Variants in DAPK1 observed in about 807,000 individuals in gnomAD.
DAPK1 encodes death-associated protein kinase 1.
DAPK1 carries 56 observed loss-of-function variants against 144.9 expected under a neutral mutation model. The observed-to-expected ratio is 0.39, with a 90% confidence interval of 0.31 to 0.48. DAPK1 has a LOEUF of 0.48. Among genes scored for constraint, DAPK1 ranks in the 20% least tolerant of loss-of-function variants. The pLI, the probability that DAPK1 is intolerant of heterozygous loss-of-function variation, is 0.95. For missense variants in DAPK1, 1,454 were observed against 1,875.4 expected, an observed-to-expected ratio of 0.78 and a Z score of 4.15; for synonymous variants, 690 against 749.0, an observed-to-expected ratio of 0.92 and a Z score of 1.29.
chr9:87,630,117 C>T (rs1829621946), intron 3 of DAPK1, among the ~76,000 whole-genome samples: 2 of 152,142 alleles, frequency 1.3e-5, no homozygotes, highest in South Asian at 2.1e-4. Context: ...CCCCATGACA[C>T]ACCCTAAGCC....
rs1459351539 is a variant in DAPK1, at chr9:87,518,354, C to G, written c.62+19215C>G. ...TGTTGGCCAGGGTAGTCTTGAACTC[C>G]TGACCTCTGGTGATCCACCCACCTC... On this transcript the variant is annotated intron_variant, in intron 2 of 25. Coordinates refer to ENST00000408954, the MANE Select transcript of DAPK1 (RefSeq NM_004938.4). Among the ~76,000 whole-genome samples the G allele has an allele frequency of 2.7e-5, 4 of 150,542 alleles. No homozygotes were observed. The South Asian group carries it at 6.3e-4, about 24-fold the overall frequency.
At chr9:87,662,652 C>G (rs1201129886) in intron 18 of DAPK1, among the ~76,000 whole-genome samples, 1 of 134,672 alleles carries the variant, frequency 7.4e-6, no homozygotes, top group East Asian at 2.3e-4. Context: ...TATAGGAACT[C>G]TAATGATTTC....
intron 2 of DAPK1, among the ~76,000 whole-genome samples, chr9:87,566,013 C>A (rs1023224455): frequency 7.1e-6 from 1 of 140,372 alleles, no homozygotes; most frequent in Admixed American, 7.6e-5. Flanking sequence ...CTCTCTGTCT[C>A]AGCATTCTTT....
intron 1 of DAPK1, 25 bp downstream of exon 1, chr9:87,498,132 G>C (rs1020483833): frequency 5.1e-6 from 2 of 395,024 alleles, no homozygotes; most frequent in Non-Finnish European, 8.9e-6. Context: ...GCGGCTCCCC[G>C]GTCCCCCCGA....
chr9:87,636,714 A>C (rs1333529608), intron 3 of DAPK1, among the ~76,000 whole-genome samples: 5 of 152,184 alleles, frequency 3.3e-5, no homozygotes, highest in Non-Finnish European at 4.4e-5. Flanking sequence ...GGAAGGTATA[A>C]TGTTTGGGGA....
At position 87,706,905 on chromosome 9, in the gene DAPK1, C is replaced by T; in HGVS notation, c.3834C>T (p.Ser1278=). The change falls in exon 26 of 26, where the codon AGC becomes AGT. Residue 1278 remains serine (S), a synonymous_variant. Coordinates refer to ENST00000408954, the MANE Select transcript of DAPK1 (RefSeq NM_004938.4). This position sits in a 1 kb window ranked among gnomAD's most constrained non-coding sequence, Gnocchi z 9.0. ...ACACCATGGGGGGGTACAAGGAAAG[C>T]TTCAGCAGCATCATGTGCTTCGGGT... ...LTNTMGGYKE[S]FSSIMCFGCH... is the part of the protein sequence containing the mutation. 6.2e-7 allele frequency: 1 copy of T among 1,613,988 alleles called. No homozygotes were observed. The highest frequency in any genetic ancestry group is 1.7e-4 in the Middle Eastern group (1 of 6,060).
chr9:87,594,716 C>A (rs1828255644), intron 2 of DAPK1, among the ~76,000 whole-genome samples: 1 of 152,236 alleles, frequency 6.6e-6, no homozygotes, highest in South Asian at 2.1e-4. Context: ...AGCCCCACTG[C>A]CTGCCTGAAA....
chr9:87,523,391 G>C (rs1283655573), intron 2 of DAPK1, among the ~76,000 whole-genome samples: 1 of 152,042 alleles, frequency 6.6e-6, no homozygotes, highest in African/African-American at 2.4e-5. Context: ...CGACCTCCTG[G>C]GCTTAAAAGA....
intron 2 of DAPK1, among the ~76,000 whole-genome samples, chr9:87,587,115 A>G (rs1190881834): frequency 6.6e-6 from 1 of 152,246 alleles, no homozygotes; most frequent in Admixed American, 6.5e-5. Context: ...ATCGCTGTAC[A>G]GGTTGCCTAG....
At chr9:87,629,551 AT>A (rs1483844191) in intron 3 of DAPK1, among the ~76,000 whole-genome samples, 2 of 152,166 alleles carry the variant, frequency 1.3e-5, no homozygotes, top group Non-Finnish European at 2.9e-5. Context: ...GTTTTTAAAA[AT>A]TTTATGTAGA....
rs566459922 is a variant in DAPK1, at chr9:87,707,471, C to T, written c.*107C>T. The T allele has an allele frequency of 1.4e-3, 1,050 of 732,042 alleles. 3 individuals are homozygous for T. Among genetic ancestry groups the T allele is most frequent in the Non-Finnish European group, 1.6e-4 (70 of 448,578 alleles). The allele number at this position is 732,042 out of a possible 1,614,324, so 45.3% of individuals were successfully genotyped here. A position where few individuals can be genotyped will look rare whatever the true frequency, so the allele number is the denominator to read the frequency against. Reference sequence around the variant, plus strand: ...CTGAGGGTGTTTCTTCCTGCACCCACAGCCAGGGGGATGCCACTCCTCCCT... The same window carrying T: ...CTGAGGGTGTTTCTTCCTGCACCCATAGCCAGGGGGATGCCACTCCTCCCT... On this transcript the variant is annotated 3_prime_UTR_variant, in exon 26 of 26. Coordinates refer to ENST00000408954, the MANE Select transcript of DAPK1 (RefSeq NM_004938.4). The surrounding 1 kb of genome is among the most constrained non-coding windows in gnomAD (Gnocchi z 4.0).
At chr9:87,572,749 A>G (rs1827405712) in intron 2 of DAPK1, among the ~76,000 whole-genome samples, 1 of 152,190 alleles carries the variant, frequency 6.6e-6, no homozygotes, top group Admixed American at 6.5e-5. Flanking sequence ...CGGCCTGCAG[A>G]ATCGTGAGCC....
At chr9:87,647,193 C>T in intron 13 of DAPK1, 112 bp from the exon 14 acceptor site, 1 of 848,178 alleles carries the variant, frequency 1.2e-6, no homozygotes, top group South Asian at 1.4e-5. Flanking sequence ...GGAAGTTGCT[C>T]CTCTGGGGTT....
chr9:87,697,590 A>C (rs1185168617), intron 22 of DAPK1, among the ~76,000 whole-genome samples: 1 of 152,174 alleles, frequency 6.6e-6, no homozygotes, highest in Non-Finnish European at 1.5e-5. Flanking sequence ...TAGCTACTGC[A>C]CCTTTACCTA....
Position 87,707,221 on chromosome 9 carries a change from G to A in DAPK1, c.4150G>A (p.Gly1384Ser). 1 of 1,614,208 alleles carries A rather than the reference G, an allele frequency of 6.2e-7. No homozygotes were observed. The highest frequency in any genetic ancestry group is 8.5e-7 in the Non-Finnish European group (1 of 1,180,042). ...GTLMSKLRELGRRDAADFLLK... is the reference protein window; with the variant it reads ...GTLMSKLRELSRRDAADFLLK... ...CCTCATGTCCAAACTGAGGGAGCTGGGTCGCCGGGATGCCGCAGACTTTTT... is the reference window on the plus strand; with the variant it reads ...CCTCATGTCCAAACTGAGGGAGCTGAGTCGCCGGGATGCCGCAGACTTTTT... Residue 1384 changes from glycine (G) to serine (S), a missense_variant, in exon 26 of 26, where the codon GGT becomes AGT. Around this residue, in one of 2 missense-constraint regions of DAPK1, gnomAD observed 1,025 missense variants for 1,237.9 expected, o/e 0.83. Coordinates refer to ENST00000408954, the MANE Select transcript of DAPK1 (RefSeq NM_004938.4). The surrounding 1 kb of genome is among the most constrained non-coding windows in gnomAD (Gnocchi z 4.0).
chr9:87,569,646 A>G (rs1827260798), intron 2 of DAPK1, among the ~76,000 whole-genome samples: 1 of 152,188 alleles, frequency 6.6e-6, no homozygotes, highest in African/African-American at 2.4e-5. Flanking sequence ...AAGTGGGTGC[A>G]GAACTGGATC....
At chr9:87,595,868 G>A (rs1490206831) in intron 2 of DAPK1, among the ~76,000 whole-genome samples, 4 of 152,154 alleles carry the variant, frequency 2.6e-5, no homozygotes, top group Admixed American at 6.5e-5. Flanking sequence ...TGTTGGTGCC[G>A]TGGCAACCTG....
At chr9:87,545,567 A>G (rs1052753461) in intron 2 of DAPK1, among the ~76,000 whole-genome samples, 2 of 151,988 alleles carry the variant, frequency 1.3e-5, no homozygotes, top group Admixed American at 6.6e-5. Flanking sequence ...TTTTTTTGAG[A>G]TGGAGTTTTG....
At chr9:87,551,807 A>T (rs1826496008) in intron 2 of DAPK1, among the ~76,000 whole-genome samples, 1 of 152,196 alleles carries the variant, frequency 6.6e-6, no homozygotes, top group African/African-American at 2.4e-5. Context: ...GTCACCGTAG[A>T]GCCCAGGAGG....
Sources: allele counts gnomAD v4.1 joint callset (sites outside exome capture counted in the v4.1 genomes callset), GRCh38; gene constraint gnomAD v4.1.1; regional missense constraint gnomAD v4.1.1; non-coding constraint Gnocchi (gnomAD v3.1); transcripts MANE v1.5; gene names NCBI Gene and HGNC (gene_info 2026-07-23, HGNC 2026-07-21).